Variants in WWOX observed in about 807,000 individuals in gnomAD.
WWOX encodes the protein WW domain containing oxidoreductase.
WWOX carries 69 observed loss-of-function variants against 46.2 expected under a neutral mutation model. The ratio of observed to expected loss-of-function variants is 1.49; its 90% CI spans 1.23 to 1.82. The LOEUF is 1.82. Ranked by LOEUF, WWOX falls within the 40% of genes most tolerant of loss-of-function variation. The pLI is 0.00. For missense variants in WWOX, 919 were observed against 542.6 expected, an observed-to-expected ratio of 1.69 and a Z score of -6.89; for synonymous variants, 359 against 202.6, an observed-to-expected ratio of 1.77 and a Z score of -6.56.
At chr16:78,492,029 G>A (rs1328822960) in intron 8 of WWOX, among the ~76,000 whole-genome samples, 1 of 53,506 alleles carries the variant, frequency 1.9e-5, no homozygotes, top group Non-Finnish European at 5.8e-5. Context: ...ATGGACAAAG[G>A]GAGTGGGGGT....
At chr16:78,753,195 G>A (rs2049530079) in intron 8 of WWOX, among the ~76,000 whole-genome samples, 1 of 152,108 alleles carries the variant, frequency 6.6e-6, no homozygotes, top group Non-Finnish European at 1.5e-5. Flanking sequence ...AGCTACTCTG[G>A]AGGCTGAGAC....
intron 8 of WWOX, among the ~76,000 whole-genome samples, chr16:78,684,536 A>G (rs1338226735): frequency 2.0e-5 from 3 of 152,110 alleles, no homozygotes; most frequent in African/African-American, 7.2e-5. Context: ...GATGTGATGC[A>G]AGCATGCCCG....
rs918320122 is a variant in WWOX at position 78,490,559 on chromosome 16, T to C, written c.1056+57807T>C. On this transcript the variant is annotated intron_variant, in intron 8 of 8. Transcript: ENST00000566780. ...CTAGTTTCAGACTTCTGGCTTGTTG[T>C]GGGACGGAGGAGAAAGAAGACAGGG... Among the ~76,000 whole-genome samples the C allele has an allele frequency of 2.6e-5, 4 of 152,332 alleles. No individual in the cohort carries two copies. The South Asian group carries it at 8.3e-4, about 32-fold the overall frequency.
At chr16:78,808,511 TGTG>T (rs2051102059) in intron 8 of WWOX, among the ~76,000 whole-genome samples, 1 of 152,208 alleles carries the variant, frequency 6.6e-6, no homozygotes, top group South Asian at 2.1e-4. Flanking sequence ...TTACTAAAAA[TGTG>T]GACCTTTGTG....
At chr16:78,655,690 G>A (rs531965890) in intron 8 of WWOX, among the ~76,000 whole-genome samples, 1 of 152,110 alleles carries the variant, frequency 6.6e-6, no homozygotes, top group Non-Finnish European at 1.5e-5. Context: ...CTGGGAGGGA[G>A]GGTGATTAAT....
intron 8 of WWOX, among the ~76,000 whole-genome samples, chr16:78,632,418 C>G (rs544090075): frequency 1.8e-4 from 28 of 152,082 alleles, no homozygotes; most frequent in Non-Finnish European, 3.5e-4. Context: ...TTGGGCTTTC[C>G]TACTTAACGT....
intron 8 of WWOX, among the ~76,000 whole-genome samples, chr16:78,723,760 C>G (rs995672977): frequency 2.0e-5 from 3 of 151,966 alleles, no homozygotes; most frequent in African/African-American, 7.3e-5. Flanking sequence ...GCTTTCCCAC[C>G]TCTGCCAAGG....
intron 4 of WWOX, among the ~76,000 whole-genome samples, chr16:78,130,418 A>C (rs1403430590): frequency 6.6e-6 from 1 of 152,120 alleles, no homozygotes; most frequent in African/African-American, 2.4e-5. Context: ...TGCCACCTTG[A>C]CCTTGGACTT....
chr16:78,188,234 A>C (rs2035770060), intron 5 of WWOX, among the ~76,000 whole-genome samples: 2 of 152,184 alleles, frequency 1.3e-5, no homozygotes, highest in Non-Finnish European at 2.9e-5. Flanking sequence ...TCACACCTGT[A>C]ATCCCAGCAC....
At chr16:79,166,012 A>G (rs558904461) in intron 8 of WWOX, among the ~76,000 whole-genome samples, 13 of 152,308 alleles carry the variant, frequency 8.5e-5, no homozygotes, top group Admixed American at 8.5e-4. Flanking sequence ...TGTCATTTTC[A>G]TAACTATCTG....
chr16:78,795,774 A>G (rs894336374), intron 8 of WWOX, among the ~76,000 whole-genome samples: 1 of 152,196 alleles, frequency 6.6e-6, no homozygotes, highest in Admixed American at 6.5e-5. Context: ...CAATACTGAC[A>G]TCTAGCTAAT....
Position 78,996,309 on chromosome 16 carries a change from A to C in WWOX, c.1057-215299A>C, listed in dbSNP as rs1429321723. 3.1e-6 allele frequency: 3 copies of C among 983,082 alleles called. No homozygotes were observed. The East Asian group carries it at 3.4e-4, about 113-fold the overall frequency. 60.9% of individuals were successfully genotyped at this position (983,082 alleles called of 1,614,324 possible). On this transcript the variant is annotated intron_variant, in intron 8 of 8. Coordinates refer to ENST00000566780, the MANE Select transcript of WWOX (RefSeq NM_016373.4). The stretch of plus-strand genomic sequence containing the variant: ...CTGGAAGATGGATCTTGCCTTGTGG[A>C]TGTTTTTCTACCGTGACAGAAGATA...
chr16:78,800,736 C>G (rs2050864427), intron 8 of WWOX, among the ~76,000 whole-genome samples: 1 of 152,086 alleles, frequency 6.6e-6, no homozygotes, highest in Non-Finnish European at 1.5e-5. Flanking sequence ...TGTCTAAAAT[C>G]CCAAATGCAT....
At chr16:78,160,424 C>T (rs573971919) in intron 4 of WWOX, among the ~76,000 whole-genome samples, 1 of 152,260 alleles carries the variant, frequency 6.6e-6, no homozygotes, top group African/African-American at 2.4e-5. Context: ...TGTGCCTGGT[C>T]TTCTTTTTAA....
intron 8 of WWOX, among the ~76,000 whole-genome samples, chr16:79,044,605 G>A (rs1597319379): frequency 2.6e-5 from 4 of 152,148 alleles, no homozygotes; most frequent in Admixed American, 2.6e-4. Flanking sequence ...CCAGTATCAT[G>A]TTTCCTGTAC....
chr16:78,952,063 C>T (rs1476656960), intron 8 of WWOX, among the ~76,000 whole-genome samples: 3 of 152,244 alleles, frequency 2.0e-5, no homozygotes, highest in Non-Finnish European at 4.4e-5. Context: ...GACCCCTAAT[C>T]ATAACCTACA....
chr16:79,016,661 G>A (rs2047419283), intron 8 of WWOX: 1 of 120,202 alleles, frequency 8.3e-6, no homozygotes, highest in Admixed American at 1.0e-4. Flanking sequence ...GACATCAGGT[G>A]ATCCACCTGC....
At chr16:78,532,430 C>G (rs192631383) in intron 8 of WWOX, among the ~76,000 whole-genome samples, 1 of 152,004 alleles carries the variant, frequency 6.6e-6, no homozygotes, top group African/African-American at 2.4e-5. Context: ...CTAGGCTCTC[C>G]CCTGAAGCTG....
chr16:78,518,496 C>T (rs953230001), intron 8 of WWOX, among the ~76,000 whole-genome samples: 1 of 152,184 alleles, frequency 6.6e-6, no homozygotes, highest in Non-Finnish European at 1.5e-5. Context: ...GCTGGGATTA[C>T]AGACGTGAGT....
Sources: allele counts gnomAD v4.1 joint callset (sites outside exome capture counted in the v4.1 genomes callset), GRCh38; gene constraint gnomAD v4.1.1; transcripts MANE v1.5; gene names NCBI Gene and HGNC (gene_info 2026-07-23, HGNC 2026-07-21).